The following LRBA variants were observed in gnomAD, a reference collection of about 807,000 sequenced individuals.
LRBA encodes the protein lipopolysaccharide-responsive and beige-like anchor protein.
In LRBA, 176 loss-of-function variants were observed where a neutral mutation model predicts 330.0. That is an observed-to-expected ratio of 0.53 (90% CI 0.47 to 0.60). LRBA has a LOEUF of 0.60. Ranked by LOEUF, LRBA falls within the 20% of genes least tolerant of loss-of-function variation. The pLI is 0.00. For missense variants in LRBA, 3,259 were observed against 3,444.8 expected, an observed-to-expected ratio of 0.95 and a Z score of 1.35; for synonymous variants, 1,230 against 1,193.0, an observed-to-expected ratio of 1.03 and a Z score of -0.64.
At position 150,828,581 on chromosome 4, in the gene LRBA, T is replaced by C; in HGVS notation, c.4770A>G (p.Ser1590=). The part of the protein sequence containing the change: ...PAAFSTLTTA[S]VEESESTSSA... ...ATGATGTGCTTTCAGATTCTTCCACTGATGCCGTAGTTAAAGTGCTGAATG... is the reference window on the plus strand; with the variant it reads ...ATGATGTGCTTTCAGATTCTTCCACCGATGCCGTAGTTAAAGTGCTGAATG... Residue 1590 remains serine (S), a synonymous_variant, in exon 30 of 57, where the codon TCA becomes TCG. Coordinates refer to ENST00000651943, the MANE Select transcript of LRBA (RefSeq NM_001364905.1). The C allele has an allele frequency of 6.2e-7, 1 of 1,614,048 alleles. No homozygotes were observed. The highest frequency in any genetic ancestry group is 8.5e-7 in the Non-Finnish European group (1 of 1,179,972).
intron 2 of LRBA, among the ~76,000 whole-genome samples, chr4:151,007,517 A>AC: frequency 6.9e-6 from 1 of 144,400 alleles, no homozygotes; most frequent in East Asian, 2.0e-4. Flanking sequence ...AAAAAAAAAA[A>AC]CAAAAAAAAA....
chr4:150,673,255 G>T (rs1360846013), intron 37 of LRBA, among the ~76,000 whole-genome samples: 1 of 152,074 alleles, frequency 6.6e-6, no homozygotes. Context: ...GAAAAAAATT[G>T]ACAAGAATTT....
chr4:150,776,683 G>A (rs553081419), intron 34 of LRBA, among the ~76,000 whole-genome samples: 2 of 151,872 alleles, frequency 1.3e-5, no homozygotes, highest in East Asian at 3.9e-4. Context: ...CATGGTGGCG[G>A]GCACCCATAA....
intron 48 of LRBA, among the ~76,000 whole-genome samples, chr4:150,343,629 C>G (rs181846519): frequency 6.6e-6 from 1 of 152,228 alleles, no homozygotes; most frequent in East Asian, 1.9e-4. Flanking sequence ...GTTTCATCAG[C>G]CACCCTTGCA....
At chr4:150,446,109 A>T (rs1752584281) in intron 44 of LRBA, among the ~76,000 whole-genome samples, 1 of 152,194 alleles carries the variant, frequency 6.6e-6, no homozygotes, top group Non-Finnish European at 1.5e-5. Context: ...GGAGCTAAAA[A>T]AAAAAGTGGA....
intron 45 of LRBA, among the ~76,000 whole-genome samples, chr4:150,436,024 G>C (rs1751062910): frequency 6.6e-6 from 1 of 152,090 alleles, no homozygotes; most frequent in African/African-American, 2.4e-5. Context: ...ACAGGGAATA[G>C]TCCAGTATGT....
At chr4:150,855,571 A>C (rs1225246036) in intron 22 of LRBA, among the ~76,000 whole-genome samples, 1 of 152,140 alleles carries the variant, frequency 6.6e-6, no homozygotes, top group East Asian at 1.9e-4. Flanking sequence ...TTTTAATCTC[A>C]CATGCCTACC....
chr4:150,652,395 G>A (rs1203854780), intron 37 of LRBA, among the ~76,000 whole-genome samples: 1 of 152,054 alleles, frequency 6.6e-6, no homozygotes, highest in Non-Finnish European at 1.5e-5. Flanking sequence ...AAACTAAGCT[G>A]TTTCTGCATG....
At chr4:150,685,624 G>C in intron 36 of LRBA, among the ~76,000 whole-genome samples, 1 of 149,932 alleles carries the variant, frequency 6.7e-6, no homozygotes, top group African/African-American at 2.5e-5. Context: ...TAGTAGAGAT[G>C]GGGTTTCACT....
intron 37 of LRBA, among the ~76,000 whole-genome samples, chr4:150,617,830 G>C (rs1581827628): frequency 6.6e-6 from 1 of 152,132 alleles, no homozygotes; most frequent in South Asian, 2.1e-4. Context: ...GTTCGGCTAA[G>C]CACAGTGGCT....
At chr4:150,679,758 G>A (rs1002994620) in intron 37 of LRBA, 5 of 152,096 alleles carry the variant, frequency 3.3e-5, no homozygotes, top group Non-Finnish European at 7.4e-5. Flanking sequence ...CAAGAATTTT[G>A]ATATGAGGTT....
chr4:150,677,857 C>T (rs1036075557), intron 37 of LRBA, among the ~76,000 whole-genome samples: 3 of 150,706 alleles, frequency 2.0e-5, no homozygotes, highest in African/African-American at 7.3e-5. Flanking sequence ...GTGTATAGTT[C>T]TCTGATTCCC....
chr4:150,510,518 T>G (rs1761705845), intron 40 of LRBA, among the ~76,000 whole-genome samples: 1 of 152,222 alleles, frequency 6.6e-6, no homozygotes, highest in Admixed American at 6.5e-5. Context: ...CTTCTCATAC[T>G]ACCTTCCCAC....
chr4:150,932,678 G>A (rs187962925), intron 2 of LRBA, among the ~76,000 whole-genome samples: 3 of 152,232 alleles, frequency 2.0e-5, no homozygotes, highest in Admixed American at 6.5e-5. Context: ...GACTTTGGGA[G>A]GCCGAGGCAG....
chr4:150,630,627 T>C (rs1777284342), intron 37 of LRBA, among the ~76,000 whole-genome samples: 1 of 152,094 alleles, frequency 6.6e-6, no homozygotes, highest in Non-Finnish European at 1.5e-5. Context: ...TGCAATAAGA[T>C]AAAAAGTGAC....
chr4:150,467,910 A>G, intron 43 of LRBA, 125 bp from the exon 44 acceptor site: 1 of 506,886 alleles, frequency 2.0e-6, no homozygotes, highest in Non-Finnish European at 3.6e-6. Flanking sequence ...CTCAGTATCC[A>G]TACTTTCTCT....
intron 53 of LRBA, among the ~76,000 whole-genome samples, chr4:150,294,804 T>C (rs1011216351): frequency 2.0e-5 from 3 of 152,114 alleles, no homozygotes; most frequent in Admixed American, 1.3e-4. Flanking sequence ...ACAAAAAAAT[T>C]ATCTGGGCGC....
At chr4:150,363,172 G>A (rs1738970268) in intron 47 of LRBA, among the ~76,000 whole-genome samples, 1 of 151,894 alleles carries the variant, frequency 6.6e-6, no homozygotes, top group Non-Finnish European at 1.5e-5. Flanking sequence ...TTTAGCTCAT[G>A]TACAGTACTA....
At chr4:150,374,141 TACTCTCCCTTTTATGTAC>T (rs1740873401) in intron 47 of LRBA, among the ~76,000 whole-genome samples, 1 of 152,158 alleles carries the variant, frequency 6.6e-6, no homozygotes, top group African/African-American at 2.4e-5. Flanking sequence ...AAACTTCCAA[TACTCTCCCTTTTATGTAC>T]GGATGAAACG....
Sources: gnomAD v4.1 joint callset for allele counts (sites outside exome capture counted in the v4.1 genomes callset) on GRCh38, gnomAD v4.1.1 for gene constraint, MANE v1.5 for transcripts, NCBI Gene and HGNC (gene_info 2026-07-23, HGNC 2026-07-21) for gene names.